LRFN5: variants seen among roughly 807,000 people sequenced by gnomAD.
LRFN5 encodes the protein leucine rich repeat and fibronectin type III domain containing 5.
In LRFN5, 24 loss-of-function variants were observed where a neutral mutation model predicts 45.6. The ratio of observed to expected loss-of-function variants is 0.53; its 90% confidence interval spans 0.38 to 0.74. LRFN5 has a LOEUF of 0.74. LRFN5 is among the 30% of genes least tolerant of loss of function. LRFN5 has a pLI of 0.00. For missense variants in LRFN5, 776 were observed against 861.5 expected, an observed-to-expected ratio of 0.90 and a Z score of 1.24; for synonymous variants, 340 against 313.8, an observed-to-expected ratio of 1.08 and a Z score of -0.88.
rs1253120265 is a variant in LRFN5 at position 41,668,740 on chromosome 14, TAA to T, written c.-197+60179_-197+60180del. Among the ~76,000 whole-genome samples, 6 of 152,258 alleles carry T rather than the reference TAA, an allele frequency of 3.9e-5. No homozygotes were observed. In the South Asian group the frequency reaches 6.2e-4, roughly 16 times the overall value. ...GAATTAGTAAGTCTCAGATTTGAAA[TAA>T]GTTTTTTATAATTGATGTTTTCACC... On this transcript the variant is annotated intron_variant, in intron 1 of 5. Transcript: ENST00000298119.
intron 1 of LRFN5, among the ~76,000 whole-genome samples, chr14:41,698,658 G>A (rs952948179): frequency 2.0e-5 from 3 of 152,044 alleles, no homozygotes; most frequent in African/African-American, 2.4e-5. Context: ...AAGAAATGGT[G>A]AGGATTTTAG....
At chr14:41,687,270 A>G (rs565854400) in intron 1 of LRFN5, among the ~76,000 whole-genome samples, 21 of 152,348 alleles carry the variant, frequency 1.4e-4, no homozygotes, top group African/African-American at 4.6e-4. Flanking sequence ...AGAAAGGTAA[A>G]TCAAAACCAC....
At chr14:41,876,966 T>C (rs953830216) in intron 2 of LRFN5, among the ~76,000 whole-genome samples, 1 of 152,150 alleles carries the variant, frequency 6.6e-6, no homozygotes, top group Admixed American at 6.6e-5. Flanking sequence ...AATGACATGA[T>C]GAATGTAAAG....
intron 2 of LRFN5, among the ~76,000 whole-genome samples, chr14:41,866,565 C>A (rs1026205414): frequency 6.6e-6 from 1 of 152,104 alleles, no homozygotes; most frequent in Non-Finnish European, 1.5e-5. Context: ...TAAACTCCCT[C>A]GAACCTGGTC....
chr14:41,793,658 T>A (rs1423727926), intron 2 of LRFN5, among the ~76,000 whole-genome samples: 1 of 150,784 alleles, frequency 6.6e-6, no homozygotes, highest in Non-Finnish European at 1.5e-5. Context: ...CAACTGGGAC[T>A]CCCCCAAGCA....
rs993482787 is a variant in LRFN5, at chr14:41,679,609, C to A, written c.-197+71047C>A. Among the ~76,000 whole-genome samples the A allele has an allele frequency of 7.2e-5, 11 of 152,032 alleles. No homozygotes were observed. The South Asian group carries it at 2.3e-3, about 31-fold the overall frequency. Reference sequence around the variant, plus strand: ...AGGCCCTGAATAATAAGCAGTGGTACCCAGGTAGTGCTTGTTACGGCCTTC... The same window carrying A: ...AGGCCCTGAATAATAAGCAGTGGTAACCAGGTAGTGCTTGTTACGGCCTTC... On this transcript the variant is annotated intron_variant, in intron 1 of 5. Coordinates refer to ENST00000298119, the MANE Select transcript of LRFN5 (RefSeq NM_152447.5).
chr14:41,769,331 A>G (rs1404739339), intron 2 of LRFN5, among the ~76,000 whole-genome samples: 1 of 152,176 alleles, frequency 6.6e-6, no homozygotes, highest in Non-Finnish European at 1.5e-5. Context: ...TCACTCTGGC[A>G]TTTCCAATTA....
chr14:41,844,890 T>C (rs1159259681), intron 2 of LRFN5, among the ~76,000 whole-genome samples: 2 of 152,150 alleles, frequency 1.3e-5, no homozygotes, highest in Non-Finnish European at 2.9e-5. Flanking sequence ...ATATCAGATA[T>C]AATTAATTAT....
At chr14:41,782,364 A>C (rs1886559288) in intron 2 of LRFN5, among the ~76,000 whole-genome samples, 1 of 151,948 alleles carries the variant, frequency 6.6e-6, no homozygotes, top group Non-Finnish European at 1.5e-5. Flanking sequence ...ACAATATTTT[A>C]ATTTTTACTC....
intron 2 of LRFN5, among the ~76,000 whole-genome samples, chr14:41,864,272 A>T (rs2139104322): frequency 6.6e-6 from 1 of 152,220 alleles, no homozygotes; most frequent in South Asian, 2.1e-4. Flanking sequence ...GGTTGAACTA[A>T]TTTACACTCC....
At chr14:41,734,345 T>TATATATATATATATATATA (rs1884329590) in intron 1 of LRFN5, among the ~76,000 whole-genome samples, 4 of 112,312 alleles carry the variant, frequency 3.6e-5, no homozygotes, top group East Asian at 3.4e-4. Flanking sequence ...TATATATATA[T>TATATATATATATATATATA]TTAAATTTGC....
intron 1 of LRFN5, among the ~76,000 whole-genome samples, chr14:41,737,020 A>C (rs956834484): frequency 4.0e-4 from 61 of 152,182 alleles, no homozygotes; most frequent in Admixed American, 3.7e-3. Context: ...CATCATCCTG[A>C]TACCAAAACC....
chr14:41,615,374 T>G (rs1156445620), intron 1 of LRFN5, among the ~76,000 whole-genome samples: 5 of 152,130 alleles, frequency 3.3e-5, no homozygotes, highest in African/African-American at 1.2e-4. Context: ...ACTTCTAGTG[T>G]TTGCACTGAG....
intron 2 of LRFN5, among the ~76,000 whole-genome samples, chr14:41,821,795 G>T (rs537087678): frequency 6.7e-6 from 1 of 149,180 alleles, no homozygotes; most frequent in Admixed American, 6.7e-5. Flanking sequence ...TTTTAATTGG[G>T]GTGGGGGGAG....
chr14:41,885,864 A>G (rs1349862374), intron 2 of LRFN5, among the ~76,000 whole-genome samples: 1 of 151,920 alleles, frequency 6.6e-6, no homozygotes, highest in Non-Finnish European at 1.5e-5. Flanking sequence ...AAAAATACAA[A>G]AATTAGCTGG....
At chr14:41,852,975 A>T (rs1279113115) in intron 2 of LRFN5, among the ~76,000 whole-genome samples, 1 of 152,008 alleles carries the variant, frequency 6.6e-6, no homozygotes, top group East Asian at 1.9e-4. Flanking sequence ...CCATTATAAG[A>T]TAATTAAAAC....
chr14:41,626,394 A>G (rs1888333510), intron 1 of LRFN5, among the ~76,000 whole-genome samples: 1 of 152,130 alleles, frequency 6.6e-6, no homozygotes, highest in Non-Finnish European at 1.5e-5. Context: ...ACTATATACA[A>G]CAGACTGTAT....
chr14:41,875,589 A>G (rs1247295878), intron 2 of LRFN5, among the ~76,000 whole-genome samples: 1 of 152,204 alleles, frequency 6.6e-6, no homozygotes, highest in Non-Finnish European at 1.5e-5. Context: ...TCTCTCTTGT[A>G]TGAGGTGGAA....
At chr14:41,843,674 T>A (rs1888947323) in intron 2 of LRFN5, among the ~76,000 whole-genome samples, 1 of 152,156 alleles carries the variant, frequency 6.6e-6, no homozygotes, top group Non-Finnish European at 1.5e-5. Context: ...AAAAAGGCCT[T>A]CTTTTTACTA....
Sources: allele counts gnomAD v4.1 joint callset (sites outside exome capture counted in the v4.1 genomes callset), GRCh38; gene constraint gnomAD v4.1.1; transcripts MANE v1.5; gene names NCBI Gene and HGNC (gene_info 2026-07-23, HGNC 2026-07-21).